The following SLF2 variants were observed in gnomAD, a reference collection of about 807,000 sequenced individuals.
The protein encoded by SLF2 is SMC5/6 complex localization factor 2.
In SLF2, 68 loss-of-function variants were observed where a neutral mutation model predicts 124.3. The ratio of observed to expected loss-of-function variants is 0.55; its 90% CI spans 0.45 to 0.67. SLF2 has a LOEUF of 0.67. Among genes scored for constraint, SLF2 ranks in the 30% least tolerant of loss-of-function variants. The pLI is 0.00. For missense variants in SLF2, 1,246 were observed against 1,373.7 expected, an observed-to-expected ratio of 0.91 and a Z score of 1.47; for synonymous variants, 480 against 478.8, an observed-to-expected ratio of 1.00 and a Z score of -0.03.
chr10:100,948,781 G>C (rs1053992922), intron 15 of SLF2, among the ~76,000 whole-genome samples: 1 of 152,168 alleles, frequency 6.6e-6, no homozygotes, highest in African/African-American at 2.4e-5. Flanking sequence ...AGCTACTCGG[G>C]AGGCTGAGGC....
chr10:100,940,223 G>T (rs1171028269), intron 11 of SLF2, among the ~76,000 whole-genome samples: 1 of 152,136 alleles, frequency 6.6e-6, no homozygotes, highest in Non-Finnish European at 1.5e-5. Context: ...AAATAAACTG[G>T]TAGTGGCTAT....
At position 100,944,355 on chromosome 10, in the gene SLF2, C is replaced by T. The variant is rs574778957; in HGVS notation, c.2757+227C>T. ...CTAAAAATACAAAAAATTAGCCAGG[C>T]ATGGCAGCGGGTACCTGTAGTCCCA... On this transcript the variant is annotated intron_variant, in intron 12 of 19. Transcript: ENST00000238961. Among the ~76,000 whole-genome samples, 3 of 152,050 alleles carry T rather than the reference C, an allele frequency of 2.0e-5. No individual in the cohort carries two copies. The East Asian group carries it at 5.8e-4, about 29-fold the overall frequency.
chr10:100,950,325 CATAATT>C, intron 16 of SLF2, 118 bp downstream of exon 16: 1 of 1,114,590 alleles, frequency 9.0e-7, no homozygotes, highest in Non-Finnish European at 1.2e-6. Context: ...TTCTAGCAAA[CATAATT>C]TTAAAGCGAA....
chr10:100,950,569 T>G, intron 16 of SLF2, 107 bp from the exon 17 acceptor site: 1 of 929,580 alleles, frequency 1.1e-6, no homozygotes, highest in Non-Finnish European at 1.7e-6. Context: ...CTGGGTTAAC[T>G]TGACCGTATC....
rs762236969 is a variant in SLF2 at position 100,918,470 on chromosome 10, CTAAA to C, written c.973+35_973+38del. Reference sequence around the variant, plus strand: ...GAATCAAAATTAAATTTATGGATTTCTAAATAAATTTCCATTTTAATGGCACTGC... The same window carrying C: ...GAATCAAAATTAAATTTATGGATTTCTAAATTTCCATTTTAATGGCACTGC... On this transcript the variant is annotated intron_variant, in intron 4 of 19. Transcript: ENST00000238961. The C allele has an allele frequency of 5.5e-6, 8 of 1,459,232 alleles. No homozygotes were observed. The African/African-American group carries it at 1.1e-4, about 21-fold the overall frequency. The allele number at this position is 1,459,232 out of a possible 1,614,324, so 90.4% of individuals were successfully genotyped here.
chr10:100,940,305 A>C (rs1223653744), intron 11 of SLF2, among the ~76,000 whole-genome samples: 1 of 152,316 alleles, frequency 6.6e-6, no homozygotes, highest in East Asian at 1.9e-4. Context: ...TGAAGGAATG[A>C]GTGCTGTGTA....
chr10:100,935,458 T>C (rs1340645298), intron 9 of SLF2, among the ~76,000 whole-genome samples: 1 of 151,704 alleles, frequency 6.6e-6, no homozygotes, highest in Non-Finnish European at 1.5e-5. Context: ...CGCAGCACTT[T>C]GGGAGAATGA....
chr10:100,935,402 A>C (rs964642622), intron 9 of SLF2, among the ~76,000 whole-genome samples: 3 of 151,602 alleles, frequency 2.0e-5, no homozygotes, highest in Non-Finnish European at 2.9e-5. Context: ...CCCAAAAAAA[A>C]AAAAAGTTAT....
intron 6 of SLF2, among the ~76,000 whole-genome samples, chr10:100,927,998 CTT>C (rs1294984048): frequency 1.5e-5 from 2 of 136,624 alleles, no homozygotes; most frequent in East Asian, 4.3e-4. Flanking sequence ...TCAAGTTACT[CTT>C]TTGAGGAAAA....
At chr10:100,959,596 T>C in intron 19 of SLF2, 100 bp downstream of exon 19, 1 of 1,456,056 alleles carries the variant, frequency 6.9e-7, no homozygotes, top group Non-Finnish European at 9.1e-7. Context: ...GTGCACTTGC[T>C]TCTAGTTATC....
chr10:100,959,605 T>C (rs1400580048), intron 19 of SLF2, 109 bp downstream of exon 19: 2 of 1,436,370 alleles, frequency 1.4e-6, no homozygotes, highest in Non-Finnish European at 1.8e-6. Flanking sequence ...CTTCTAGTTA[T>C]CTTAAGATAA....
chr10:100,963,261 A>G lies in SLF2; in HGVS notation c.*1349A>G, dbSNP rs1850457265. ...TTCTACCTCTAAATTGAGGCTTAGG[A>G]GTAAAAAGCATTTTGTCCTAAATTT... On this transcript the variant is annotated 3_prime_UTR_variant, in exon 20 of 20. Transcript: ENST00000238961. 6.6e-6 allele frequency: 1 copy of G among 152,586 alleles called. No individual in the cohort carries two copies. Among genetic ancestry groups the G allele is most frequent in the African/African-American group, 2.4e-5 (1 of 41,436 alleles). 9.5% of individuals were successfully genotyped at this position (152,586 alleles called of 1,614,324 possible). A position where few individuals can be genotyped will look rare whatever the true frequency, so the allele number is the denominator to read the frequency against.
chr10:100,949,258 G>A (rs1160403292), intron 15 of SLF2, among the ~76,000 whole-genome samples: 1 of 152,200 alleles, frequency 6.6e-6, no homozygotes, highest in African/African-American at 2.4e-5. Flanking sequence ...CTTCAAAAGA[G>A]ATCCGGGGAT....
In SLF2 at chr10:100,944,123, G is replaced by A. The variant is rs774231606; in HGVS notation, c.2752G>A (p.Val918Ile). 1 of 1,600,644 alleles carries A rather than the reference G, an allele frequency of 6.2e-7. No individual in the cohort carries two copies. Among genetic ancestry groups the A allele is most frequent in the East Asian group, 2.2e-5 (1 of 44,718 alleles). ...TCCTGAAACCAACATTTTAAATGTGGTTAAGGTAGGAAAGAACTTTTATGT... is the reference window on the plus strand; with the variant it reads ...TCCTGAAACCAACATTTTAAATGTGATTAAGGTAGGAAAGAACTTTTATGT... ...TLPETNILNV[V>I]KFLGLCTSIH... The change falls in exon 12 of 20, where the codon GTT becomes ATT. Residue 918 changes from valine (V) to isoleucine (I), a missense_variant. Val to Ile is a conservative substitution (Grantham distance 29). Transcript: ENST00000238961.
rs1037183455 is a variant in SLF2 at position 100,964,981 on chromosome 10, C to T, written c.*3069C>T. ...TGTGCATTTGTTTTTCCTGGGCAGT[C>T]CTGTCAGCCAGTTAATCCACCAGCT... On this transcript the variant is annotated 3_prime_UTR_variant, in exon 20 of 20. Transcript: ENST00000238961. 6.6e-6 allele frequency: 1 copy of T among 152,212 alleles called. No individual in the cohort carries two copies. The highest frequency in any genetic ancestry group is 2.4e-5 in the African/African-American group (1 of 41,288). 9.4% of individuals were successfully genotyped at this position (152,212 alleles called of 1,614,324 possible). A position where few individuals can be genotyped will look rare whatever the true frequency, so the allele number is the denominator to read the frequency against.
At chr10:100,937,622 T>C in intron 10 of SLF2, 145 bp downstream of exon 10, 1 of 612,534 alleles carries the variant, frequency 1.6e-6, no homozygotes, top group Non-Finnish European at 2.9e-6. Flanking sequence ...TTTTTGGTTT[T>C]TTTTTTGAGA....
chr10:100,926,527 C>T, intron 6 of SLF2: 1 of 308,966 alleles, frequency 3.2e-6, no homozygotes, highest in East Asian at 6.0e-5. Context: ...ATCACCTGAG[C>T]CCAAGGAGGT....
chr10:100,928,068 C>CAAGAGAGAGACAGAGAGAGA (rs1491324670), intron 6 of SLF2, among the ~76,000 whole-genome samples: 1 of 59,532 alleles, frequency 1.7e-5, no homozygotes, highest in African/African-American at 5.6e-5. Context: ...CACACACACA[C>CAAGAGAGAGACAGAGAGAGA]GAGAGAGAGA....
At chr10:100,918,523 T>G (rs1589942117) in intron 4 of SLF2, 82 bp downstream of exon 4, 2 of 870,670 alleles carry the variant, frequency 2.3e-6, no homozygotes, top group East Asian at 5.1e-5. Flanking sequence ...TTTGTTTAAA[T>G]ATGCAGTTCC....
Sources: allele counts gnomAD v4.1 joint callset (sites outside exome capture counted in the v4.1 genomes callset), GRCh38; gene constraint gnomAD v4.1.1; transcripts MANE v1.5; gene names NCBI Gene and HGNC (gene_info 2026-07-23, HGNC 2026-07-21).